CLEC1A: variants seen among roughly 807,000 people sequenced by gnomAD.
CLEC1A encodes C-type lectin domain family 1 member A.
A neutral mutation model predicts 28.7 loss-of-function variants in CLEC1A; 34 were observed. The observed-to-expected ratio is 1.18, with a 90% CI of 0.90 to 1.57. The LOEUF is 1.57. Ranked by LOEUF, CLEC1A falls within the 40% of genes most tolerant of loss-of-function variation. CLEC1A has a pLI of 0.00. For synonymous variants in CLEC1A, 116 were observed against 121.0 expected (o/e 0.96, Z 0.27); for missense variants, 385 against 339.5 (o/e 1.13, Z -1.05).
At chr12:10,085,748 C>T (rs1012798648) in intron 2 of CLEC1A, among the ~76,000 whole-genome samples, 3 of 152,118 alleles carry the variant, frequency 2.0e-5, no homozygotes, top group Non-Finnish European at 2.9e-5. Flanking sequence ...CCACTGACAG[C>T]ACTAGACAGG....
chr12:10,076,212 G>A (rs1459287720), intron 3 of CLEC1A, among the ~76,000 whole-genome samples: 1 of 152,110 alleles, frequency 6.6e-6, no homozygotes, highest in African/African-American at 2.4e-5. Flanking sequence ...GGTAGTGATC[G>A]CAAATATAGG....
rs1591905114 is a variant in CLEC1A, at chr12:10,075,779, C to T, written c.392-124G>A. On this transcript the variant is annotated intron_variant, in intron 3 of 5. Transcript: ENST00000315330. ...TCTTCCTCAATATTTAATTAATTAC[C>T]CAGGCAATGATAACTACAATGTTTA... The T allele has an allele frequency of 5.0e-6, 4 of 796,236 alleles. No individual in the cohort carries two copies. In the East Asian group the frequency reaches 1.0e-4, roughly 21 times the overall value. 49.3% of individuals were successfully genotyped at this position (796,236 alleles called of 1,614,324 possible).
intron 1 of CLEC1A, among the ~76,000 whole-genome samples, chr12:10,097,403 T>G (rs1031506165): frequency 1.3e-5 from 2 of 152,214 alleles, no homozygotes; most frequent in African/African-American, 4.8e-5. Flanking sequence ...AAGAAATAAT[T>G]ATACTTCTAT....
In CLEC1A at chr12:10,071,239, C is replaced by G. The variant is rs1866119944; in HGVS notation, c.*94G>C. On this transcript the variant is annotated 3_prime_UTR_variant, in exon 6 of 6. Coordinates refer to ENST00000315330, the MANE Select transcript of CLEC1A (RefSeq NM_016511.4). ...ATTTTGTACTAGTCAGAGAGATAGT[C>G]TTTCCTGATTATGTTCCATTTCCCA... The G allele has an allele frequency of 1.7e-6, 2 of 1,200,898 alleles. No individual in the cohort carries two copies. Among genetic ancestry groups the G allele is most frequent in the Non-Finnish European group, 2.4e-6 (2 of 848,684 alleles). 74.4% of individuals were successfully genotyped at this position (1,200,898 alleles called of 1,614,324 possible).
In CLEC1A at chr12:10,077,388, AAC is replaced by A. The variant is rs558681845; in HGVS notation, c.392-1735_392-1734del. 1.6e-4 allele frequency among the ~76,000 whole-genome samples: 25 copies of A among 152,230 alleles called. No homozygotes were observed. In the South Asian group the frequency reaches 1.9e-3, roughly 11 times the overall value. ...ATATACCCTCCATTCCAGCCTAGACAACAGAGTGAGACCCTGTTTTCCCCACC... is the reference window on the plus strand; with the variant it reads ...ATATACCCTCCATTCCAGCCTAGACAAGAGTGAGACCCTGTTTTCCCCACC... On this transcript the variant is annotated intron_variant, in intron 3 of 5. Coordinates refer to ENST00000315330, the MANE Select transcript of CLEC1A (RefSeq NM_016511.4).
chr12:10,085,536 T>TAAAAAAAAAAA (rs71049044), intron 2 of CLEC1A, among the ~76,000 whole-genome samples: 2 of 128,748 alleles, frequency 1.6e-5, no homozygotes, highest in African/African-American at 2.8e-5. Context: ...GCAAAAACAG[T>TAAAAAAAAAAA]AAAAAAAAAA....
intron 1 of CLEC1A, among the ~76,000 whole-genome samples, chr12:10,097,123 C>T (rs781655761): frequency 3.9e-5 from 6 of 152,128 alleles, no homozygotes; most frequent in Admixed American, 6.5e-5. Context: ...TTCATTTTCA[C>T]TATCTTAATT....
chr12:10,083,130 C>G (rs2137349145), intron 2 of CLEC1A, among the ~76,000 whole-genome samples: 1 of 152,312 alleles, frequency 6.6e-6, no homozygotes, highest in South Asian at 2.1e-4. Flanking sequence ...TGCAGTCTGG[C>G]TCTAAGGAAG....
chr12:10,080,561 T>G (rs949205594), intron 3 of CLEC1A, among the ~76,000 whole-genome samples: 2 of 152,212 alleles, frequency 1.3e-5, no homozygotes, highest in African/African-American at 4.8e-5. Context: ...CCTGAACATG[T>G]ATGCCATTTC....
rs1436592382 is a variant in CLEC1A at position 10,079,224 on chromosome 12, A to G, written c.391+2013T>C. On this transcript the variant is annotated intron_variant, in intron 3 of 5. Coordinates refer to ENST00000315330, the MANE Select transcript of CLEC1A (RefSeq NM_016511.4). ...CAGTAGGCATTCAGTAAATACTCCA[A>G]CCACACTGGTAGCAGTACGAACTAA... 3.4e-4 allele frequency among the ~76,000 whole-genome samples: 52 copies of G among 152,156 alleles called. 1 individual carries two copies. The highest frequency in any genetic ancestry group is 1.3e-4 in the Non-Finnish European group (9 of 68,014).
Position 10,071,379 on chromosome 12 carries a change from G to A in CLEC1A, c.797C>T (p.Pro266Leu). The change falls in exon 6 of 6, where the codon CCA becomes CTA. Residue 266 changes from proline to leucine, a missense_variant. Physicochemically the swap from Pro to Leu is moderately conservative, Grantham distance 98. Transcript: ENST00000315330. Reference sequence around the variant, plus strand: ...TTCAGGGGGGACATGGAGGCTCTCTGGCTTCACCATTCCTGCCCTTCTCTC... The same window carrying A: ...TTCAGGGGGGACATGGAGGCTCTCTAGCTTCACCATTCCTGCCCTTCTCTC... Reference protein sequence around the residue: ...VCERRAGMVKPESLHVPPETL... With the variant: ...VCERRAGMVKLESLHVPPETL... 1.9e-6 allele frequency: 3 copies of A among 1,613,894 alleles called. No homozygotes were observed. Among genetic ancestry groups the A allele is most frequent in the Non-Finnish European group, 2.5e-6 (3 of 1,179,858 alleles).
intron 4 of CLEC1A, among the ~76,000 whole-genome samples, chr12:10,074,714 A>T (rs962634901): frequency 2.6e-5 from 4 of 152,190 alleles, no homozygotes; most frequent in Non-Finnish European, 5.9e-5. Flanking sequence ...TAGCCGAGAA[A>T]AATTACAGAG....
chr12:10,084,308 T>G (rs1296603285), intron 2 of CLEC1A: 1 of 152,238 alleles, frequency 6.6e-6, no homozygotes, highest in Admixed American at 6.5e-5. Context: ...GCATCCCTCC[T>G]GAAGCTGTGC....
rs1478403081 is a variant in CLEC1A at position 10,070,370 on chromosome 12, A to C, written c.*963T>G. On this transcript the variant is annotated 3_prime_UTR_variant, in exon 6 of 6. Transcript: ENST00000315330. The stretch of plus-strand genomic sequence containing the variant: ...TAATCAGTACTCTTGTAAATTCCCC[A>C]AAAACTTTCAGTAAGGCACAATCAA... The C allele has an allele frequency of 6.6e-6, 1 of 152,236 alleles. No individual in the cohort carries two copies. The highest frequency in any genetic ancestry group is 2.4e-5 in the African/African-American group (1 of 41,464). The allele number at this position is 152,236 out of a possible 1,614,324, so 9.4% of individuals were successfully genotyped here.
At chr12:10,077,562 C>T (rs780214728) in intron 3 of CLEC1A, among the ~76,000 whole-genome samples, 68 of 152,130 alleles carry the variant, frequency 4.5e-4, no homozygotes, top group Non-Finnish European at 8.1e-4. Flanking sequence ...AATTTCTAAA[C>T]GGAACATGTA....
Position 10,089,053 on chromosome 12 carries a change from A to G in CLEC1A, c.214+71T>C, listed in dbSNP as rs753127851. Reference sequence around the variant, plus strand: ...GAATTAAAGTTTAAAAAACAAATCCATAACAAGTGTTTCTCATCCTAGACA... The same window carrying G: ...GAATTAAAGTTTAAAAAACAAATCCGTAACAAGTGTTTCTCATCCTAGACA... On this transcript the variant is annotated intron_variant, in intron 2 of 5. Coordinates refer to ENST00000315330, the MANE Select transcript of CLEC1A (RefSeq NM_016511.4). The G allele has an allele frequency of 1.4e-4, 162 of 1,191,762 alleles. 1 individual carries two copies. Among genetic ancestry groups the G allele is most frequent in the Middle Eastern group, 1.3e-3 (7 of 5,210 alleles). The allele number at this position is 1,191,762 out of a possible 1,614,324, so 73.8% of individuals were successfully genotyped here.
At chr12:10,075,349 A>G (rs1363653495) in intron 4 of CLEC1A, among the ~76,000 whole-genome samples, 155 bp downstream of exon 4, 2 of 152,176 alleles carry the variant, frequency 1.3e-5, no homozygotes, top group Admixed American at 1.3e-4. Context: ...ACTTCAGGGG[A>G]CCGTTCAAAG....
At chr12:10,080,869 T>C (rs527524850) in intron 3 of CLEC1A, among the ~76,000 whole-genome samples, 75 of 152,356 alleles carry the variant, frequency 4.9e-4, no homozygotes, top group African/African-American at 1.7e-3. Flanking sequence ...GTATGTTGTT[T>C]AAGATTTGAG....
intron 2 of CLEC1A, among the ~76,000 whole-genome samples, chr12:10,088,875 GA>G (rs760209400): frequency 6.6e-6 from 1 of 151,786 alleles, no homozygotes; most frequent in Non-Finnish European, 1.5e-5. Flanking sequence ...TTTAAACATT[GA>G]CATACAAACA....
Sources: allele counts gnomAD v4.1 joint callset (sites outside exome capture counted in the v4.1 genomes callset), GRCh38; gene constraint gnomAD v4.1.1; transcripts MANE v1.5; gene names NCBI Gene and HGNC (gene_info 2026-07-23, HGNC 2026-07-21).